Variants in CDH18 observed in about 807,000 individuals in gnomAD.
The protein encoded by CDH18 is cadherin-18.
In CDH18, 31 loss-of-function variants were observed where a neutral mutation model predicts 67.9. The observed-to-expected ratio is 0.46, with a 90% confidence interval of 0.34 to 0.62. The LOEUF is 0.62. CDH18 is among the 20% of genes least tolerant of loss of function. The pLI, the probability that CDH18 is intolerant of heterozygous loss-of-function variation, is 0.01. For synonymous variants in CDH18, 362 were observed against 347.2 expected, an observed-to-expected ratio of 1.04 and a Z score of -0.48; for missense variants, 890 against 975.5, an observed-to-expected ratio of 0.91 and a Z score of 1.17.
At chr5:19,988,946 A>G (rs761070002), upstream of CDH18, among the ~76,000 whole-genome samples, 2 of 151,584 alleles carry the variant, frequency 1.3e-5, no homozygotes, top group African/African-American at 2.4e-5. Flanking sequence ...TGCTTTTCCA[A>G]CCCCCTTTGA....
At chr5:20,126,648 C>T (rs997276641) in intron 2 of CDH18, among the ~76,000 whole-genome samples, 1 of 152,018 alleles carries the variant, frequency 6.6e-6, no homozygotes, top group African/African-American at 2.4e-5. Context: ...TAAAAATTTT[C>T]AAAGGACTCA....
intron 8 of CDH18, among the ~76,000 whole-genome samples, chr5:19,564,047 A>G (rs1283388606): frequency 6.6e-6 from 1 of 152,182 alleles, no homozygotes; most frequent in African/African-American, 2.4e-5. Flanking sequence ...CAGGCTAGAG[A>G]GAAATAACTC....
chr5:19,588,512 A>T (rs969835760), intron 7 of CDH18, among the ~76,000 whole-genome samples: 19 of 152,206 alleles, frequency 1.2e-4, no homozygotes, highest in African/African-American at 4.6e-4. Flanking sequence ...CAAAATAACC[A>T]GCTAGCATCA....
chr5:20,199,869 C>T (rs1050251802), intron 2 of CDH18, among the ~76,000 whole-genome samples: 7 of 152,132 alleles, frequency 4.6e-5, no homozygotes, highest in Non-Finnish European at 8.8e-5. Flanking sequence ...GGCATTTCCC[C>T]TGCTGGCATT....
intron 5 of CDH18, among the ~76,000 whole-genome samples, chr5:19,692,181 G>A (rs1411173968): frequency 6.6e-6 from 1 of 152,040 alleles, no homozygotes; most frequent in African/African-American, 2.4e-5. Context: ...ATATCCATAT[G>A]CAGAAGAATG....
In CDH18 at chr5:20,130,658, C is replaced by T. The variant is rs145257773; in HGVS notation, c.-518+124786G>A. Among the ~76,000 whole-genome samples the T allele has an allele frequency of 1.9e-3, 294 of 151,998 alleles. 2 individuals carry two copies. Among genetic ancestry groups the T allele is most frequent in the Admixed American group, 3.5e-3 (54 of 15,246 alleles). On this transcript the variant is annotated intron_variant, in intron 2 of 14. Coordinates refer to the CDH18 transcript ENST00000507958. ...TGAGAGACATTGAACAGTTTTGAGTCGGCAGGCCTATGATAAGAGATTCGT... is the reference window on the plus strand; with the variant it reads ...TGAGAGACATTGAACAGTTTTGAGTTGGCAGGCCTATGATAAGAGATTCGT...
At chr5:20,108,194 C>T (rs1430037640) in intron 2 of CDH18, among the ~76,000 whole-genome samples, 2 of 152,072 alleles carry the variant, frequency 1.3e-5, no homozygotes, top group Non-Finnish European at 2.9e-5. Flanking sequence ...ATTCTCATGC[C>T]TCAGCTTCCC....
chr5:20,344,611 C>G (rs566291922), intron 1 of CDH18, among the ~76,000 whole-genome samples: 1 of 152,056 alleles, frequency 6.6e-6, no homozygotes, highest in South Asian at 2.1e-4. Context: ...TTCACTGTGC[C>G]TAGAGACTAC....
chr5:20,098,017 T>G (rs1315217953), intron 2 of CDH18, among the ~76,000 whole-genome samples: 1 of 152,008 alleles, frequency 6.6e-6, no homozygotes, highest in East Asian at 1.9e-4. Flanking sequence ...GCCAATGTTT[T>G]AATTGTATTT....
chr5:19,804,482 TGC>T (rs1462962230), intron 3 of CDH18, among the ~76,000 whole-genome samples: 1 of 152,170 alleles, frequency 6.6e-6, no homozygotes, highest in Non-Finnish European at 1.5e-5. Flanking sequence ...TTTGTTAATT[TGC>T]CACTTTCGAG....
intron 1 of CDH18, among the ~76,000 whole-genome samples, chr5:20,488,824 T>C (rs1466111433): frequency 6.6e-6 from 1 of 151,864 alleles, no homozygotes; most frequent in African/African-American, 2.4e-5. Context: ...ATAGAAAATA[T>C]TTGTTGTCAT....
At chr5:19,670,579 C>T (rs1253256415) in intron 5 of CDH18, among the ~76,000 whole-genome samples, 1 of 152,074 alleles carries the variant, frequency 6.6e-6, no homozygotes, top group African/African-American at 2.4e-5. Context: ...TATTAAAAAG[C>T]TCATTCTAGC....
chr5:20,463,450 T>C (rs575272029), intron 1 of CDH18, among the ~76,000 whole-genome samples: 2 of 152,124 alleles, frequency 1.3e-5, no homozygotes, highest in Non-Finnish European at 2.9e-5. Context: ...GACTTACAGT[T>C]TCTCATGGCT....
intron 4 of CDH18, among the ~76,000 whole-genome samples, chr5:19,723,666 C>T (rs1766415338): frequency 1.3e-5 from 2 of 152,132 alleles, no homozygotes; most frequent in Admixed American, 6.6e-5. Context: ...ACTAAACACA[C>T]ATCTACCCAA....
chr5:20,542,997 T>G (rs1287827509), intron 1 of CDH18, among the ~76,000 whole-genome samples: 1 of 152,044 alleles, frequency 6.6e-6, no homozygotes, highest in Non-Finnish European at 1.5e-5. Context: ...TAAATTAACT[T>G]TTTGTTTGGC....
chr5:20,488,529 C>T (rs554661534), intron 1 of CDH18, among the ~76,000 whole-genome samples: 1 of 152,072 alleles, frequency 6.6e-6, no homozygotes, highest in Non-Finnish European at 1.5e-5. Flanking sequence ...TTAAAATGAT[C>T]TCTTCCCAAA....
At chr5:20,229,806 G>A (rs1741923126) in intron 2 of CDH18, among the ~76,000 whole-genome samples, 1 of 151,922 alleles carries the variant, frequency 6.6e-6, no homozygotes, top group African/African-American at 2.4e-5. Flanking sequence ...AGCCCAGATT[G>A]GGATAATTTT....
At chr5:19,597,391 G>T (rs1457559336) in intron 6 of CDH18, among the ~76,000 whole-genome samples, 3 of 152,148 alleles carry the variant, frequency 2.0e-5, no homozygotes, top group African/African-American at 7.2e-5. Flanking sequence ...TTGCAACACA[G>T]GCATAGATAA....
intron 2 of CDH18, among the ~76,000 whole-genome samples, chr5:19,970,990 A>G (rs1015120987): frequency 3.3e-5 from 5 of 151,884 alleles, no homozygotes; most frequent in African/African-American, 9.7e-5. Context: ...CAGCAATCCC[A>G]TATTTCTTCT....
Sources: allele counts gnomAD v4.1 joint callset (sites outside exome capture counted in the v4.1 genomes callset), GRCh38; gene constraint gnomAD v4.1.1; transcripts MANE v1.5; gene names NCBI Gene and HGNC (gene_info 2026-07-23, HGNC 2026-07-21).